SLC26A6: variants seen among roughly 807,000 people sequenced by gnomAD.
SLC26A6 encodes the protein solute carrier family 26 member 6, also known as anion exchange transporter.
In SLC26A6, 67 loss-of-function variants were observed where a neutral mutation model predicts 87.1. That is an observed-to-expected ratio of 0.77 (90% CI 0.63 to 0.94). The LOEUF (loss-of-function observed/expected upper bound fraction) is 0.94, where lower values mean the gene tolerates loss of function less well. Ranked by LOEUF, SLC26A6 falls within the 40% of genes least tolerant of loss-of-function variation. The pLI, the probability that SLC26A6 is intolerant of heterozygous loss-of-function variation, is 0.00. For missense variants in SLC26A6, 902 were observed against 973.0 expected (o/e 0.93, Z 0.97); for synonymous variants, 414 against 405.9 (o/e 1.02, Z -0.24).
chr3:48,634,691 G>A, intron 1 of SLC26A6: 1 of 983,752 alleles, frequency 1.0e-6, no homozygotes, highest in Non-Finnish European at 1.2e-6. Flanking sequence ...GAAAAGCCCT[G>A]ACCTGGGGAG....
chr3:48,633,571 G>A lies in SLC26A6; in HGVS notation c.88C>T (p.His30Tyr). Residue 30 changes from histidine (H) to tyrosine (Y), a missense_variant, in exon 2 of 21, where the codon CAC becomes TAC. Coordinates refer to ENST00000395550, the MANE Select transcript of SLC26A6 (RefSeq NM_022911.3). The part of the protein sequence containing the change: ...QAMDLRRRDY[H>Y]MERPLLNQEH... Reference sequence around the variant, plus strand: ...TGGTTCAGCAGCGGCCGTTCCATGTGGTAGTCTCGCCTCCGCAGGTCCATT... The same window carrying A: ...TGGTTCAGCAGCGGCCGTTCCATGTAGTAGTCTCGCCTCCGCAGGTCCATT... The A allele has an allele frequency of 6.2e-7, 1 of 1,613,566 alleles. No individual in the cohort carries two copies.
Position 48,626,010 on chromosome 3 carries a change from C to T in SLC26A6, c.2266-10G>A, listed in dbSNP as rs764261401. ...TTCAGAGTCTGGTGACCTGAGCAGG[C>T]AGAGGAGGGGAGGCTCTAGTCAGTT... On this transcript the variant is annotated splice_polypyrimidine_tract_variant and intron_variant, in intron 20 of 20. Coordinates refer to ENST00000395550, the MANE Select transcript of SLC26A6 (RefSeq NM_022911.3). 6.2e-7 allele frequency: 1 copy of T among 1,613,664 alleles called. No homozygotes were observed. Among genetic ancestry groups the T allele is most frequent in the East Asian group, 2.2e-5 (1 of 44,896 alleles).
chr3:48,627,202 T>G, intron 17 of SLC26A6, 147 bp from the exon 18 acceptor site: 1 of 941,324 alleles, frequency 1.1e-6, no homozygotes, highest in African/African-American at 1.6e-5. Flanking sequence ...CACATAGGTG[T>G]GCAAAGACAG....
At position 48,633,483 on chromosome 3, in the gene SLC26A6, C is replaced by T; in HGVS notation, c.176G>A (p.Trp59Ter). Reference sequence around the variant, plus strand: ...GCCCCAATCTTGGCCTTACTGCAACCAGGTCCGCCACTGGTGGGTCCTAGG... The same window carrying T: ...GCCCCAATCTTGGCCTTACTGCAACTAGGTCCGCCACTGGTGGGTCCTAGG... ...SAPRTHQWRT[W>*]LQCSRARAYA... Residue 59 changes from tryptophan to a stop codon, truncating the protein, a stop_gained, in exon 2 of 21, where the codon TGG becomes TAG. Transcript: ENST00000395550. LOFTEE classifies it high-confidence loss of function. 1.2e-6 allele frequency: 2 copies of T among 1,612,992 alleles called. No homozygotes were observed. The highest frequency in any genetic ancestry group is 1.7e-6 in the Non-Finnish European group (2 of 1,179,904).
chr3:48,627,201 G>A, intron 17 of SLC26A6, 146 bp from the exon 18 acceptor site: 1 of 948,070 alleles, frequency 1.1e-6, no homozygotes, highest in Non-Finnish European at 1.6e-6. Context: ...TCACATAGGT[G>A]TGCAAAGACA....
intron 6 of SLC26A6, 37 bp downstream of exon 6, chr3:48,631,843 G>A (rs1304101815): frequency 6.2e-7 from 1 of 1,613,106 alleles, no homozygotes; most frequent in Non-Finnish European, 8.5e-7. Context: ...AAGGCCATGG[G>A]GCACACCTAC....
Position 48,635,438 on chromosome 3 carries a change from A to G in SLC26A6, c.-45T>C. 1.9e-6 allele frequency: 3 copies of G among 1,558,032 alleles called. No individual in the cohort carries two copies. The highest frequency in any genetic ancestry group is 1.2e-5 in the South Asian group (1 of 85,108). Reference sequence around the variant, plus strand: ...GCGGGCTGCTCCTGCTGCTCGAGCTAGAGGCCGCTACGCTCCGGAAGGCGG... The same window carrying G: ...GCGGGCTGCTCCTGCTGCTCGAGCTGGAGGCCGCTACGCTCCGGAAGGCGG... On this transcript the variant is annotated 5_prime_UTR_variant, in exon 1 of 21. Coordinates refer to ENST00000395550, the MANE Select transcript of SLC26A6 (RefSeq NM_022911.3).
At chr3:48,633,946 T>C in intron 1 of SLC26A6, 1 of 1,115,202 alleles carries the variant, frequency 9.0e-7, no homozygotes, top group South Asian at 2.1e-5. Context: ...CCAGTCCAGG[T>C]CCCAGGCTGC....
chr3:48,635,368 C>G lies in SLC26A6; in HGVS notation c.23+3G>C, dbSNP rs770361212. On this transcript the variant is annotated splice_donor_region_variant and intron_variant, in intron 1 of 20. Transcript: ENST00000395550. ...GGCCACCGGGAATGTGCGCTGAACT[C>G]ACCCCGACGCATCCGCCAGCCCCAT... 4 of 1,586,656 alleles carry G rather than the reference C, an allele frequency of 2.5e-6. No individual in the cohort carries two copies. Among genetic ancestry groups the G allele is most frequent in the Non-Finnish European group, 3.4e-6 (4 of 1,168,184 alleles).
rs1380617964 is a variant in SLC26A6, at chr3:48,631,281, T to C, written c.929A>G (p.Tyr310Cys). The change falls in exon 8 of 21, where the codon TAT becomes TGT. Residue 310 changes from tyrosine (Y) to cysteine (C), a missense_variant. By Grantham distance (194) the Tyr-to-Cys change is radical. Around this residue, in one of 3 missense-constraint regions of SLC26A6, gnomAD observed 800 missense variants for 856.8 expected, o/e 0.93. Coordinates refer to ENST00000395550, the MANE Select transcript of SLC26A6 (RefSeq NM_022911.3). Reference protein sequence around the residue: ...LTLIGATGISYGMGLKHRFEV... With the variant: ...LTLIGATGISCGMGLKHRFEV... ...AAATCTGTGCTTTAGACCCATGCCA[T>C]AGGAGATGCCTGTGGCCCCGATGAG... 7 of 1,605,172 alleles carry C rather than the reference T, an allele frequency of 4.4e-6. No individual in the cohort carries two copies. Among genetic ancestry groups the C allele is most frequent in the Non-Finnish European group, 5.1e-6 (6 of 1,175,132 alleles).
At chr3:48,633,448 G>A (rs753169280) in intron 2 of SLC26A6, 29 bp downstream of exon 2, 6 of 1,612,270 alleles carry the variant, frequency 3.7e-6, no homozygotes, top group Non-Finnish European at 2.5e-6. Context: ...GGCCCCGCCA[G>A]CGCCCCCAGG....
At chr3:48,627,303 A>G in intron 17 of SLC26A6, 1 of 507,696 alleles carries the variant, frequency 2.0e-6, no homozygotes, top group Non-Finnish European at 3.5e-6. Flanking sequence ...GCACAGGGAC[A>G]CGAGAAGGGA....
At position 48,628,981 on chromosome 3, in the gene SLC26A6, C is replaced by A. The variant is rs1309465992; in HGVS notation, c.1600-267G>T. Among the ~76,000 whole-genome samples, 1 of 152,158 alleles carries A rather than the reference C, an allele frequency of 6.6e-6. No individual in the cohort carries two copies. Among genetic ancestry groups the A allele is most frequent in the Admixed American group, 6.5e-5 (1 of 15,282 alleles). ...CTTAACCTTTCTCTTGGGTTTCCAA[C>A]CCCTGCCTTGTGTTCTGTTTTCTGC... On this transcript the variant is annotated intron_variant, in intron 14 of 20. Coordinates refer to ENST00000395550, the MANE Select transcript of SLC26A6 (RefSeq NM_022911.3). This position sits in a 1 kb window ranked among gnomAD's most constrained non-coding sequence, Gnocchi z 4.4.
chr3:48,628,021 GC>G lies in SLC26A6; in HGVS notation c.1817del (p.Gly606AlafsTer15). On this transcript the variant is annotated frameshift_variant, in exon 17 of 21. Transcript: ENST00000395550. LOFTEE classifies it high-confidence loss of function. The surrounding 1 kb of genome is among the most constrained non-coding windows in gnomAD (Gnocchi z 4.4). ...KLRKQAASPKGASVSINVNTS... is the reference protein window; with the variant it reads ...KLRKQAASPKXASVSINVNTS... The stretch of plus-strand genomic sequence containing the variant: ...TGTTGACATTAATGGAAACTGAGGC[GC>G]CCTTGGGGGAGGCAGCCTACACCAG... 6.3e-7 allele frequency: 1 copy of G among 1,580,424 alleles called. No individual in the cohort carries two copies. Among genetic ancestry groups the G allele is most frequent in the Admixed American group, 2.0e-5 (1 of 50,124 alleles).
chr3:48,628,735 G>C lies in SLC26A6; in HGVS notation c.1600-21C>G, dbSNP rs1360299422. The C allele has an allele frequency of 1.2e-6, 2 of 1,610,340 alleles. No homozygotes were observed. The highest frequency in any genetic ancestry group is 1.7e-6 in the Non-Finnish European group (2 of 1,178,350). On this transcript the variant is annotated intron_variant, in intron 14 of 20. Transcript: ENST00000395550. The surrounding 1 kb of genome is among the most constrained non-coding windows in gnomAD (Gnocchi z 4.4). Reference sequence around the variant, plus strand: ...TTGGCCTGGGGATGAGGCAGAACTGGTGGTGGCTGAATCTCCTCTCTCCTG... The same window carrying C: ...TTGGCCTGGGGATGAGGCAGAACTGCTGGTGGCTGAATCTCCTCTCTCCTG...
In SLC26A6 at chr3:48,635,449, C is replaced by A; in HGVS notation, c.-56G>T. 6.5e-7 allele frequency: 1 copy of A among 1,550,334 alleles called. No individual in the cohort carries two copies. The highest frequency in any genetic ancestry group is 8.7e-7 in the Non-Finnish European group (1 of 1,149,004). The stretch of plus-strand genomic sequence containing the variant: ...CTGCTGCTCGAGCTAGAGGCCGCTA[C>A]GCTCCGGAAGGCGGCGCCGGGACCG... On this transcript the variant is annotated 5_prime_UTR_variant, in exon 1 of 21. Coordinates refer to ENST00000395550, the MANE Select transcript of SLC26A6 (RefSeq NM_022911.3).
At chr3:48,630,557 C>T in intron 10 of SLC26A6, 42 bp from the exon 11 acceptor site, 1 of 1,558,364 alleles carries the variant, frequency 6.4e-7, no homozygotes, top group Non-Finnish European at 8.7e-7. Flanking sequence ...CCTCCTTCCC[C>T]AGGCAAAGCA....
At position 48,631,740 on chromosome 3, in the gene SLC26A6, G is replaced by T. The variant is rs748157980; in HGVS notation, c.812C>A (p.Ala271Asp). The T allele has an allele frequency of 4.3e-6, 7 of 1,613,486 alleles. No individual in the cohort carries two copies. The highest frequency in any genetic ancestry group is 5.9e-6 in the Non-Finnish European group (7 of 1,180,036). ...QSKVGTVVTA[A>D]VAGVVLVVVK... ...CACCACGAGCACCACCCCAGCCACA[G>T]CTGCAGTGACCACGGTGCCAACCTT... Residue 271 changes from alanine to aspartate, a missense_variant, in exon 7 of 21, where the codon GCT becomes GAT. Transcript: ENST00000395550.
At chr3:48,629,565 T>G in intron 14 of SLC26A6, 77 bp downstream of exon 14, 1 of 1,475,200 alleles carries the variant, frequency 6.8e-7, no homozygotes, top group Non-Finnish European at 9.2e-7. Flanking sequence ...CCTGGCCAAG[T>G]GTGGAACGAA....
Sources: allele counts gnomAD v4.1 joint callset (sites outside exome capture counted in the v4.1 genomes callset), GRCh38; gene constraint gnomAD v4.1.1; regional missense constraint gnomAD v4.1.1; non-coding constraint Gnocchi (gnomAD v3.1); transcripts MANE v1.5; gene names NCBI Gene and HGNC (gene_info 2026-07-23, HGNC 2026-07-21).